Variants in DYNC2I1 observed in about 807,000 individuals in gnomAD.
The protein encoded by DYNC2I1 is cytoplasmic dynein 2 intermediate chain 1.
Under a neutral mutation model 133.4 loss-of-function variants are expected in DYNC2I1, and 89 were observed. That is an observed-to-expected ratio of 0.67 (90% CI 0.56 to 0.80). DYNC2I1 has a LOEUF of 0.80. DYNC2I1 is among the 30% of genes least tolerant of loss of function. DYNC2I1 has a pLI of 0.00. For missense variants in DYNC2I1, 1,291 were observed against 1,314.5 expected (o/e 0.98, Z 0.28); for synonymous variants, 504 against 484.3 (o/e 1.04, Z -0.54).
the DYNC2I1 span, among the ~76,000 whole-genome samples, chr7:158,841,874 G>A: frequency 2.6e-5 from 4 of 152,184 alleles, no homozygotes; most frequent in African/African-American, 4.8e-5. Flanking sequence ...CTGCTGGAGT[G>A]GGGAAGAATG....
At chr7:158,860,272 TG>T (rs1199797863) in intron 1 of DYNC2I1, among the ~76,000 whole-genome samples, 1 of 152,154 alleles carries the variant, frequency 6.6e-6, no homozygotes, top group African/African-American at 2.4e-5. Flanking sequence ...TTGGCCAGGC[TG>T]GTCTGGAACT....
At chr7:158,908,495 A>C (rs1263260761) in intron 11 of DYNC2I1, among the ~76,000 whole-genome samples, 1 of 152,262 alleles carries the variant, frequency 6.6e-6, no homozygotes, top group African/African-American at 2.4e-5. Flanking sequence ...ATAGAGACTT[A>C]TTATCCCTAA....
At chr7:158,953,174 C>T (rs532460378) in intron 4 of DYNC2I1, among the ~76,000 whole-genome samples, 1 of 128,062 alleles carries the variant, frequency 7.8e-6, no homozygotes, top group East Asian at 3.2e-4. Context: ...TGTGGCTGCT[C>T]CTACCCTCCT....
At chr7:158,880,053 TTACCGGGCGGTGTCGCCA>T (rs1843840065) in intron 5 of DYNC2I1, 64 bp downstream of exon 5, 5 of 1,522,062 alleles carry the variant, frequency 3.3e-6, no homozygotes, top group Non-Finnish European at 4.4e-6. Context: ...CAGAGGAGGC[TTACCGGGCGGTGTCGCCA>T]GACAAGGTTG....
intron 1 of DYNC2I1, among the ~76,000 whole-genome samples, chr7:158,863,161 C>G (rs754977016): frequency 3.2e-4 from 48 of 151,754 alleles, no homozygotes; most frequent in Non-Finnish European, 6.2e-4. Context: ...TTATTTGGCC[C>G]TGCCCACATC....
upstream of DYNC2I1, among the ~76,000 whole-genome samples, chr7:158,855,813 G>GT (rs1841188697): frequency 6.6e-6 from 1 of 151,968 alleles, no homozygotes; most frequent in Admixed American, 6.6e-5. Context: ...TTTCCCTTAC[G>GT]TGTTGTATAA....
chr7:158,863,440 C>G (rs1842055049), intron 1 of DYNC2I1, among the ~76,000 whole-genome samples: 1 of 152,008 alleles, frequency 6.6e-6, no homozygotes, highest in Non-Finnish European at 1.5e-5. Context: ...CCACTGAACT[C>G]TAGCCTGGGT....
chr7:158,954,374 G>A (rs1458205694), intron 4 of DYNC2I1, among the ~76,000 whole-genome samples: 2 of 152,192 alleles, frequency 1.3e-5, no homozygotes, highest in Non-Finnish European at 2.9e-5. Flanking sequence ...TCTGGGTGTA[G>A]TGGCTCACAC....
chr7:158,890,250 C>T (rs542130575), intron 7 of DYNC2I1, among the ~76,000 whole-genome samples: 3 of 152,034 alleles, frequency 2.0e-5, no homozygotes, highest in South Asian at 2.1e-4. Context: ...AAATAGTATC[C>T]GTGCAACCTG....
At chr7:158,942,887 CACT>C (rs1216217200) in intron 24 of DYNC2I1, among the ~76,000 whole-genome samples, 2 of 152,248 alleles carry the variant, frequency 1.3e-5, no homozygotes, top group Non-Finnish European at 2.9e-5. Flanking sequence ...CCATCAACAC[CACT>C]GTTAGGTAGT....
chr7:158,916,274 G>A (rs1324896776), intron 14 of DYNC2I1, among the ~76,000 whole-genome samples: 3 of 55,328 alleles, frequency 5.4e-5, no homozygotes, highest in African/African-American at 1.8e-4. Context: ...TGACATTTAG[G>A]ATGATTGTGA....
chr7:158,956,670 A>G (rs1189146054), exon 5 of DYNC2I1: 2 of 152,336 alleles, frequency 1.3e-5, no homozygotes, highest in African/African-American at 4.8e-5. Flanking sequence ...TCTGTGGAGC[A>G]GCCCTGTCCC....
chr7:158,884,345 T>A (rs1398576547), intron 5 of DYNC2I1, among the ~76,000 whole-genome samples: 1 of 152,216 alleles, frequency 6.6e-6, no homozygotes, highest in South Asian at 2.1e-4. Flanking sequence ...GTGCCCAGCA[T>A]AATCACCCTT....
chr7:158,887,056 A>G lies in DYNC2I1; in HGVS notation c.971A>G (p.Asp324Gly). 1 of 1,613,966 alleles carries G rather than the reference A, an allele frequency of 6.2e-7. No homozygotes were observed. Among genetic ancestry groups the G allele is most frequent in the Non-Finnish European group, 8.5e-7 (1 of 1,179,826 alleles). Reference protein sequence around the residue: ...AENLVRNHGKDKDSRRKHGHE... With the variant: ...AENLVRNHGKGKDSRRKHGHE... ...AATTTAGTAAGGAATCATGGAAAAG[A>G]TAAAGATTCAAGACGGAAGGTAAGG... The change falls in exon 7 of 25, where the codon GAT (aspartate) becomes GGT (glycine). Residue 324 changes from aspartate to glycine, a missense_variant. Coordinates refer to ENST00000407559, the MANE Select transcript of DYNC2I1 (RefSeq NM_018051.5).
intron 23 of DYNC2I1, among the ~76,000 whole-genome samples, chr7:158,936,210 T>A (rs957436909): frequency 6.6e-6 from 1 of 151,984 alleles, no homozygotes; most frequent in Non-Finnish European, 1.5e-5. Flanking sequence ...ACAAAAAAAG[T>A]CTCATTAATA....
intron 17 of DYNC2I1, among the ~76,000 whole-genome samples, chr7:158,924,314 A>T (rs975788755): frequency 6.6e-6 from 1 of 152,200 alleles, no homozygotes; most frequent in African/African-American, 2.4e-5. Context: ...CGCTGACGAC[A>T]TGGTCGGGCC....
At chr7:158,895,674 T>C (rs2129482912) in intron 8 of DYNC2I1, among the ~76,000 whole-genome samples, 1 of 152,338 alleles carries the variant, frequency 6.6e-6, no homozygotes, top group East Asian at 1.9e-4. Flanking sequence ...TTCATACAAT[T>C]CTGAAATTTC....
At chr7:158,955,564 A>G (rs574199261) in intron 4 of DYNC2I1, among the ~76,000 whole-genome samples, 34 of 152,370 alleles carry the variant, frequency 2.2e-4, no homozygotes, top group African/African-American at 8.2e-4. Flanking sequence ...GCTAAGAGCC[A>G]GGCGGTGGTT....
intron 4 of DYNC2I1, among the ~76,000 whole-genome samples, chr7:158,955,271 C>A (rs1281319579): frequency 1.3e-5 from 2 of 152,354 alleles, no homozygotes; most frequent in East Asian, 3.9e-4. Context: ...TGGGCCACGC[C>A]TGCCCTTTGG....
Sources: gnomAD v4.1 joint callset for allele counts (sites outside exome capture counted in the v4.1 genomes callset) on GRCh38, gnomAD v4.1.1 for gene constraint, MANE v1.5 for transcripts, NCBI Gene and HGNC (gene_info 2026-07-23, HGNC 2026-07-21) for gene names.